The following TEKT5 variants were observed in gnomAD, a reference collection of about 807,000 sequenced individuals.
TEKT5 encodes tektin 5.
A neutral mutation model predicts 48.7 loss-of-function variants in TEKT5; 52 were observed. The observed-to-expected ratio is 1.07, with a 90% CI of 0.86 to 1.35. The LOEUF (loss-of-function observed/expected upper bound fraction) is 1.35, where lower values mean the gene tolerates loss of function less well. Ranked by LOEUF, TEKT5 falls within the 40% of genes most tolerant of loss-of-function variation. The pLI, the probability that TEKT5 is intolerant of heterozygous loss-of-function variation, is 0.00. For missense variants in TEKT5, 831 were observed against 641.6 expected, an observed-to-expected ratio of 1.30 and a Z score of -3.19; for synonymous variants, 318 against 267.6, an observed-to-expected ratio of 1.19 and a Z score of -1.84.
intron 5 of TEKT5, among the ~76,000 whole-genome samples, chr16:10,660,323 C>T (rs1261843178): frequency 6.6e-6 from 1 of 152,152 alleles, no homozygotes; most frequent in Admixed American, 6.5e-5. Flanking sequence ...CTCTTTGGGC[C>T]ACATGCCCCC....
intron 5 of TEKT5, among the ~76,000 whole-genome samples, chr16:10,664,312 G>A (rs1354031043): frequency 1.3e-5 from 2 of 152,154 alleles, no homozygotes; most frequent in African/African-American, 4.8e-5. Context: ...GATAATTGTT[G>A]CATGTCTACA....
At chr16:10,648,460 G>C (rs1596404590) in intron 5 of TEKT5, among the ~76,000 whole-genome samples, 1 of 152,226 alleles carries the variant, frequency 6.6e-6, no homozygotes, top group African/African-American at 2.4e-5. Flanking sequence ...TGGGACACAG[G>C]CATGTGCTAC....
chr16:10,647,839 T>A (rs921113761), intron 5 of TEKT5, among the ~76,000 whole-genome samples: 1 of 152,248 alleles, frequency 6.6e-6, no homozygotes, highest in Non-Finnish European at 1.5e-5. Context: ...CAAATGTTCG[T>A]TGAGCACCTA....
chr16:10,694,320 C>A lies in TEKT5; in HGVS notation c.554G>T (p.Cys185Phe). The A allele has an allele frequency of 6.3e-7, 1 of 1,596,582 alleles. No homozygotes were observed. The highest frequency in any genetic ancestry group is 1.7e-5 in the Admixed American group (1 of 58,782). Residue 185 changes from cysteine (C) to phenylalanine (F), a missense_variant, in exon 1 of 7, where the codon TGC (cysteine) becomes TTC (phenylalanine). Coordinates refer to ENST00000283025, the MANE Select transcript of TEKT5 (RefSeq NM_144674.2). ...CACCCCTGTACTCACCTGCAATGGG[C>A]AGTTCACCTCATTGGCCGCGCACTC... ...RLECAANEVNCPLQVALECLY... is the reference protein window; with the variant it reads ...RLECAANEVNFPLQVALECLY...
intron 3 of TEKT5, among the ~76,000 whole-genome samples, chr16:10,683,955 A>C (rs1898807265): frequency 6.6e-6 from 1 of 152,260 alleles, no homozygotes; most frequent in African/African-American, 2.4e-5. Context: ...CCCTGTCTTT[A>C]AAGAAAAACC....
chr16:10,658,385 C>T (rs1898300099), intron 5 of TEKT5, among the ~76,000 whole-genome samples: 1 of 152,164 alleles, frequency 6.6e-6, no homozygotes, highest in African/African-American at 2.4e-5. Flanking sequence ...GGAATAGCCC[C>T]ACAATAGACC....
intron 4 of TEKT5, among the ~76,000 whole-genome samples, chr16:10,681,078 G>A (rs1898739915): frequency 6.8e-6 from 1 of 147,984 alleles, no homozygotes; most frequent in South Asian, 2.1e-4. Context: ...GCTGTGATAT[G>A]CCCACGATCA....
intron 5 of TEKT5, among the ~76,000 whole-genome samples, chr16:10,648,128 G>GGC (rs1898099330): frequency 6.6e-6 from 1 of 152,152 alleles, no homozygotes; most frequent in African/African-American, 2.4e-5. Context: ...CACAAAAAAA[G>GGC]GCACCATGTC....
chr16:10,640,141 T>C (rs75459926), intron 5 of TEKT5, among the ~76,000 whole-genome samples: 2,453 of 107,536 alleles, frequency 0.023, 84 homozygotes, highest in African/African-American at 0.087. Context: ...CTCCTCCCCC[T>C]TTCTTCCCCT....
At chr16:10,693,936 C>G (rs934399139) in intron 1 of TEKT5, among the ~76,000 whole-genome samples, 2 of 152,186 alleles carry the variant, frequency 1.3e-5, no homozygotes, top group African/African-American at 4.8e-5. Flanking sequence ...AGCCACTGCA[C>G]TCCAGCTTGG....
chr16:10,629,546 T>C (rs1897806259), intron 6 of TEKT5, among the ~76,000 whole-genome samples: 1 of 151,848 alleles, frequency 6.6e-6, no homozygotes, highest in Non-Finnish European at 1.5e-5. Context: ...CCACCACGCC[T>C]GGCCCTATAA....
At chr16:10,690,843 G>T (rs1898960302) in intron 1 of TEKT5, 1 of 939,188 alleles carries the variant, frequency 1.1e-6, no homozygotes. Flanking sequence ...AAGGAAGCAG[G>T]ATGTCAAGGT....
chr16:10,694,005 T>A (rs889784892), intron 1 of TEKT5, among the ~76,000 whole-genome samples: 1 of 152,098 alleles, frequency 6.6e-6, no homozygotes, highest in Non-Finnish European at 1.5e-5. Flanking sequence ...TTTAAGCATG[T>A]GCTTTAAGGA....
At chr16:10,664,560 A>G (rs1176530162) in intron 5 of TEKT5, among the ~76,000 whole-genome samples, 4 of 152,358 alleles carry the variant, frequency 2.6e-5, no homozygotes, top group African/African-American at 9.6e-5. Flanking sequence ...TTTTAAAAAG[A>G]TCTGCTGCAG....
intron 6 of TEKT5, among the ~76,000 whole-genome samples, chr16:10,630,456 G>T (rs770358323): frequency 3.4e-4 from 51 of 152,224 alleles, no homozygotes; most frequent in South Asian, 6.2e-4. Context: ...CTCCAGGTTG[G>T]TCTCAAACTC....
chr16:10,635,438 AT>A (rs1392745491), intron 6 of TEKT5, among the ~76,000 whole-genome samples: 4 of 152,120 alleles, frequency 2.6e-5, no homozygotes, highest in African/African-American at 9.7e-5. Flanking sequence ...GGAGGCGACC[AT>A]TCATTGCCTT....
At chr16:10,693,558 C>A (rs184714460) in intron 1 of TEKT5, among the ~76,000 whole-genome samples, 1 of 152,210 alleles carries the variant, frequency 6.6e-6, no homozygotes, top group African/African-American at 2.4e-5. Flanking sequence ...AGGTGCCCTG[C>A]ACTGAATAGC....
At position 10,628,905 on chromosome 16, in the gene TEKT5, C is replaced by CAAAAAAA. The variant is rs201157132; in HGVS notation, c.1242-1113_1242-1107dup. ...TGGGAGCCTGAGCGAAACTCTGTCT[C>CAAAAAAA]AAAAAAAAAAAAAAAAAGGAATGAA... On this transcript the variant is annotated intron_variant, in intron 6 of 6. Transcript: ENST00000283025. 5.4e-3 allele frequency among the ~76,000 whole-genome samples: 428 copies of CAAAAAAA among 79,266 alleles called. 5 individuals carry two copies. The highest frequency in any genetic ancestry group is 6.7e-3 in the Non-Finnish European group (244 of 36,494). The allele number at this position is 79,266 out of a possible 152,430, so 52.0% of individuals were successfully genotyped here. A position where few individuals can be genotyped will look rare whatever the true frequency, so the allele number is the denominator to read the frequency against.
At chr16:10,652,682 GACACAC>G (rs1187367332) in intron 5 of TEKT5, among the ~76,000 whole-genome samples, 55 of 7,622 alleles carry the variant, frequency 7.2e-3, no homozygotes, top group African/African-American at 0.033. Flanking sequence ...TACACAGGCA[GACACAC>G]ACACACACAC....
Sources: allele counts gnomAD v4.1 joint callset (sites outside exome capture counted in the v4.1 genomes callset), GRCh38; gene constraint gnomAD v4.1.1; transcripts MANE v1.5; gene names NCBI Gene and HGNC (gene_info 2026-07-23, HGNC 2026-07-21).